OSBPL1A: variants seen among roughly 807,000 people sequenced by gnomAD.
OSBPL1A encodes oxysterol-binding protein-related protein 1.
A neutral mutation model predicts 137.1 loss-of-function variants in OSBPL1A; 80 were observed. The ratio of observed to expected loss-of-function variants is 0.58; its 90% CI spans 0.49 to 0.70. The LOEUF is 0.70. Ranked by LOEUF, OSBPL1A falls within the 30% of genes least tolerant of loss-of-function variation. The pLI is 0.00. For missense variants in OSBPL1A, 970 were observed against 1,129.4 expected, an observed-to-expected ratio of 0.86 and a Z score of 2.02; for synonymous variants, 365 against 389.7, an observed-to-expected ratio of 0.94 and a Z score of 0.75.
chr18:24,216,132 C>T (rs569714527), intron 17 of OSBPL1A, among the ~76,000 whole-genome samples: 1 of 152,166 alleles, frequency 6.6e-6, no homozygotes, highest in Non-Finnish European at 1.5e-5. Context: ...TACAGCCTCT[C>T]GTCACCTCTT....
intron 1 of OSBPL1A, among the ~76,000 whole-genome samples, chr18:24,387,587 A>AT (rs1209060826): frequency 2.6e-5 from 4 of 151,872 alleles, no homozygotes; most frequent in East Asian, 1.9e-4. Flanking sequence ...ATTCATCACA[A>AT]TTTTTTTTAA....
intron 14 of OSBPL1A, among the ~76,000 whole-genome samples, chr18:24,297,999 T>C (rs1465694601): frequency 6.6e-6 from 1 of 152,028 alleles, no homozygotes. Context: ...CAGGATAAGA[T>C]AGGAGGTCAG....
At chr18:24,317,068 G>T in intron 11 of OSBPL1A, 81 bp downstream of exon 11, 1 of 1,378,420 alleles carries the variant, frequency 7.3e-7, no homozygotes, top group Non-Finnish European at 1.0e-6. Flanking sequence ...GATTTTACAA[G>T]GCTGTATAAA....
chr18:24,210,988 C>T (rs534918189), intron 17 of OSBPL1A, among the ~76,000 whole-genome samples: 24 of 151,632 alleles, frequency 1.6e-4, no homozygotes, highest in Admixed American at 7.9e-4. Context: ...GTTTTTGAGA[C>T]GGAGTCTCGC....
intron 4 of OSBPL1A, among the ~76,000 whole-genome samples, chr18:24,355,790 G>A (rs1225134001): frequency 6.6e-6 from 1 of 151,808 alleles, no homozygotes; most frequent in African/African-American, 2.4e-5. Context: ...TTCAAGACCA[G>A]CCTGGCCAAC....
In OSBPL1A at chr18:24,352,585, G is replaced by C. The variant is rs368966495; in HGVS notation, c.283-10927C>G. Among the ~76,000 whole-genome samples the C allele has an allele frequency of 1.2e-3, 179 of 151,970 alleles. 2 individuals are homozygous for C. The East Asian group carries it at 0.032, about 27-fold the overall frequency. On this transcript the variant is annotated intron_variant, in intron 4 of 27. Coordinates refer to ENST00000319481, the MANE Select transcript of OSBPL1A (RefSeq NM_080597.4). ...AACTACTTTAAAGTTCATATGGAACGAAAAAAGAGCCTGCATTGCCAAGTC... is the reference window on the plus strand; with the variant it reads ...AACTACTTTAAAGTTCATATGGAACCAAAAAAGAGCCTGCATTGCCAAGTC...
chr18:24,355,276 G>A (rs1164487809), intron 4 of OSBPL1A, among the ~76,000 whole-genome samples: 1 of 151,944 alleles, frequency 6.6e-6, no homozygotes, highest in East Asian at 1.9e-4. Context: ...GGCCGAGGCA[G>A]GAGGATCATG....
chr18:24,308,487 TG>T (rs2090549510), intron 13 of OSBPL1A, among the ~76,000 whole-genome samples: 1 of 152,068 alleles, frequency 6.6e-6, no homozygotes, highest in African/African-American at 2.4e-5. Flanking sequence ...CCCAAAGTAC[TG>T]GGATTACAGG....
intron 7 of OSBPL1A, among the ~76,000 whole-genome samples, chr18:24,323,568 C>CTTTTTTTT (rs2090912220): frequency 3.3e-5 from 1 of 30,470 alleles, no homozygotes; most frequent in Non-Finnish European, 5.5e-5. Flanking sequence ...TTTTATTATA[C>CTTTTTTTT]TCTAAGTTTT....
rs1453495175 is a variant in OSBPL1A at position 24,172,425 on chromosome 18, C to G, written c.2152G>C (p.Gly718Arg). The change falls in exon 22 of 28, where the codon GGT (glycine) becomes CGT (arginine). Residue 718 changes from glycine (G) to arginine (R), a missense_variant. Physicochemically the swap from Gly to Arg is moderately radical, Grantham distance 125. Around this residue, in one of 2 missense-constraint regions of OSBPL1A, gnomAD observed 323 missense variants for 456.8 expected, o/e 0.71. Transcript: ENST00000319481. ...CCATACTGTTCGATCCACAGTTTAC[C>G]CACAATGATATTATGCACACAGCAG... Reference protein sequence around the residue: ...PTCCVHNIIVGKLWIEQYGNV... With the variant: ...PTCCVHNIIVRKLWIEQYGNV... The G allele has an allele frequency of 2.5e-6, 4 of 1,613,988 alleles. No homozygotes were observed. The highest frequency in any genetic ancestry group is 3.4e-6 in the Non-Finnish European group (4 of 1,179,962).
chr18:24,274,978 G>A (rs78747458), intron 15 of OSBPL1A, among the ~76,000 whole-genome samples: 5,977 of 151,748 alleles, frequency 0.039, 169 homozygotes, highest in African/African-American at 0.072. Flanking sequence ...CAAAAGAGGC[G>A]GCACTGTGGA....
chr18:24,271,603 T>C lies in OSBPL1A; in HGVS notation c.1281+9239A>G, dbSNP rs899877994. On this transcript the variant is annotated intron_variant, in intron 15 of 27. Transcript: ENST00000319481. The surrounding 1 kb of genome is among the most constrained non-coding windows in gnomAD (Gnocchi z 4.0). The stretch of plus-strand genomic sequence containing the variant: ...AGGCTGCCCCGCAAAGCCACCGAGC[T>C]GCAAATACACCCACCTACCTGGGCC... The C allele has an allele frequency of 4.0e-5, 39 of 986,382 alleles. No homozygotes were observed. The African/African-American group carries it at 6.3e-4, about 16-fold the overall frequency. 61.1% of individuals were successfully genotyped at this position (986,382 alleles called of 1,614,324 possible).
chr18:24,318,192 T>C (rs2090771103), intron 9 of OSBPL1A, among the ~76,000 whole-genome samples: 1 of 152,106 alleles, frequency 6.6e-6, no homozygotes, highest in Non-Finnish European at 1.5e-5. Context: ...ACACCTGTAA[T>C]CCCAGCATTC....
chr18:24,248,701 G>A (rs2088979980), intron 15 of OSBPL1A, among the ~76,000 whole-genome samples: 1 of 152,184 alleles, frequency 6.6e-6, no homozygotes, highest in South Asian at 2.1e-4. Flanking sequence ...AGAATTTGGA[G>A]ATAACCCCAA....
rs1292001089 is a variant in OSBPL1A at position 24,328,216 on chromosome 18, G to GTTTTTTT, written c.625+4725_625+4726insAAAAAAA. ...TGCCACCACGCCCGGCTAATTTTTT[G>GTTTTTTT]TATTTTTTTTTTTTTTTTTTTTTTT... On this transcript the variant is annotated intron_variant, in intron 7 of 27. Transcript: ENST00000319481. 1.1e-4 allele frequency among the ~76,000 whole-genome samples: 5 copies of GTTTTTTT among 47,588 alleles called. No homozygotes were observed. The East Asian group carries it at 1.8e-3, about 17-fold the overall frequency. 31.2% of individuals were successfully genotyped at this position (47,588 alleles called of 152,430 possible). A position where few individuals can be genotyped will look rare whatever the true frequency, so the allele number is the denominator to read the frequency against.
At chr18:24,286,440 A>G (rs538292457) in intron 14 of OSBPL1A, among the ~76,000 whole-genome samples, 7 of 152,186 alleles carry the variant, frequency 4.6e-5, no homozygotes, top group Non-Finnish European at 1.0e-4. Context: ...CTATATATCT[A>G]CATCTATATA....
chr18:24,323,355 C>T (rs1343057200), intron 7 of OSBPL1A, among the ~76,000 whole-genome samples: 2 of 149,796 alleles, frequency 1.3e-5, no homozygotes, highest in Admixed American at 6.7e-5. Context: ...CAGTTCGAGA[C>T]CAGCCCAGCC....
chr18:24,339,239 T>C (rs576459817), intron 5 of OSBPL1A, among the ~76,000 whole-genome samples: 35 of 152,330 alleles, frequency 2.3e-4, no homozygotes, highest in African/African-American at 8.4e-4. Flanking sequence ...CCCAAAGTGC[T>C]GGGATTACAG....
At chr18:24,323,539 C>CTTTTTTTT (rs763234169) in intron 7 of OSBPL1A, among the ~76,000 whole-genome samples, 11 of 35,152 alleles carry the variant, frequency 3.1e-4, no homozygotes, top group Admixed American at 5.4e-4. Flanking sequence ...GAGGCTTTTT[C>CTTTTTTTT]TTTTTTTTTT....
Sources: allele counts gnomAD v4.1 joint callset (sites outside exome capture counted in the v4.1 genomes callset), GRCh38; gene constraint gnomAD v4.1.1; regional missense constraint gnomAD v4.1.1; non-coding constraint Gnocchi (gnomAD v3.1); transcripts MANE v1.5; gene names NCBI Gene and HGNC (gene_info 2026-07-23, HGNC 2026-07-21).